DPYD: variants seen among roughly 807,000 people sequenced by gnomAD.
DPYD encodes dihydropyrimidine dehydrogenase.
A neutral mutation model predicts 116.2 loss-of-function variants in DPYD; 109 were observed. The ratio of observed to expected loss-of-function variants is 0.94; its 90% CI spans 0.80 to 1.10. The LOEUF is 1.10. DPYD is among the 50% of genes least tolerant of loss of function. The probability of loss-of-function intolerance (pLI) is 0.00; values close to 1 mark genes in which losing one functional copy is unlikely to be tolerated. For missense variants in DPYD, 1,302 were observed against 1,254.5 expected (o/e 1.04, Z -0.57); for synonymous variants, 440 against 432.0 (o/e 1.02, Z -0.23).
At chr1:97,812,723 AATC>A (rs1281332596) in intron 3 of DPYD, among the ~76,000 whole-genome samples, 1 of 152,092 alleles carries the variant, frequency 6.6e-6, no homozygotes, top group Non-Finnish European at 1.5e-5. Flanking sequence ...CAAGCAGAAA[AATC>A]ATAATCACAG....
chr1:97,543,071 T>C (rs1477357831), intron 12 of DPYD, among the ~76,000 whole-genome samples: 4 of 152,172 alleles, frequency 2.6e-5, no homozygotes, highest in Admixed American at 6.5e-5. Flanking sequence ...CCATACTTTC[T>C]TTCATAATCT....
rs191266272 is a variant in DPYD at position 97,533,084 on chromosome 1, T to G, written c.1524+16476A>C. On this transcript the variant is annotated intron_variant, in intron 12 of 22. Transcript: ENST00000370192. ...TTTTTATTAGTCTTTTGGTATTTTG[T>G]GTTTTTGTTTTAGTTTGTCCTGAGA... is the stretch of plus-strand genomic sequence containing the variant. 8.5e-3 allele frequency among the ~76,000 whole-genome samples: 1,300 copies of G among 152,152 alleles called. 8 individuals are homozygous for G. Among genetic ancestry groups the G allele is most frequent in the Non-Finnish European group, 0.012 (808 of 67,986 alleles).
At chr1:97,314,716 T>A (rs1002126552) in intron 16 of DPYD, among the ~76,000 whole-genome samples, 4 of 151,892 alleles carry the variant, frequency 2.6e-5, no homozygotes, top group African/African-American at 9.7e-5. Context: ...CCACAATTTG[T>A]CCCTATGGAA....
At chr1:97,080,983 T>C (rs2101553875) in intron 22 of DPYD, among the ~76,000 whole-genome samples, 1 of 152,196 alleles carries the variant, frequency 6.6e-6, no homozygotes, top group African/African-American at 2.4e-5. Flanking sequence ...TCCTGATTGA[T>C]CTCTGATTGG....
intron 19 of DPYD, among the ~76,000 whole-genome samples, chr1:97,229,207 A>G (rs1442594279): frequency 6.9e-6 from 1 of 144,876 alleles, no homozygotes; most frequent in Admixed American, 6.8e-5. Flanking sequence ...CCTTCTCAAA[A>G]AAAAAAAAAA....
chr1:97,131,587 G>C (rs535711323), intron 20 of DPYD, among the ~76,000 whole-genome samples: 1 of 152,132 alleles, frequency 6.6e-6, no homozygotes, highest in African/African-American at 2.4e-5. Flanking sequence ...CAAGAGCAGT[G>C]GAAGCTGAAG....
At chr1:97,279,545 C>T (rs1665169142) in intron 18 of DPYD, among the ~76,000 whole-genome samples, 1 of 152,156 alleles carries the variant, frequency 6.6e-6, no homozygotes, top group Non-Finnish European at 1.5e-5. Context: ...GAGTCTGGCT[C>T]TGTAACTCAG....
intron 8 of DPYD, among the ~76,000 whole-genome samples, chr1:97,615,090 T>C (rs1656183639): frequency 6.6e-6 from 1 of 152,148 alleles, no homozygotes; most frequent in African/African-American, 2.4e-5. Flanking sequence ...TTTGGAAACT[T>C]GCATAACACT....
intron 18 of DPYD, among the ~76,000 whole-genome samples, chr1:97,251,617 G>T (rs1031582774): frequency 6.6e-6 from 1 of 151,884 alleles, no homozygotes; most frequent in African/African-American, 2.4e-5. Context: ...TTTTAAAGAA[G>T]CCACATATAT....
Position 97,313,259 on chromosome 1 carries a change from T to C in DPYD, c.2059-6962A>G, listed in dbSNP as rs1170967734. ...ATTGACACTGACTTTCTTATTTCTA[T>C]GTACTTGGAGGAAAATTGAGAGTAC... On this transcript the variant is annotated intron_variant, in intron 16 of 22. Coordinates refer to ENST00000370192, the MANE Select transcript of DPYD (RefSeq NM_000110.4). 4.6e-5 allele frequency among the ~76,000 whole-genome samples: 7 copies of C among 152,032 alleles called. No individual in the cohort carries two copies. The Middle Eastern group carries it at 0.01, about 222-fold the overall frequency.
rs151212696 is a variant in DPYD at position 97,117,724 on chromosome 1, C to T, written c.2623-19092G>A. On this transcript the variant is annotated intron_variant, in intron 20 of 22. Transcript: ENST00000370192. ...GTCAGGATTTAGTATTAAAGTTGGT[C>T]AAGGTTCATAAATTTATTAGGGAGT... Among the ~76,000 whole-genome samples, 724 of 152,218 alleles carry T rather than the reference C, an allele frequency of 4.8e-3. 5 individuals carry two copies. The highest frequency in any genetic ancestry group is 0.016 in the African/African-American group (671 of 41,542).
chr1:97,144,731 C>T (rs1473875104), intron 20 of DPYD, among the ~76,000 whole-genome samples: 1 of 152,136 alleles, frequency 6.6e-6, no homozygotes, highest in East Asian at 1.9e-4. Flanking sequence ...ACATGCTGTG[C>T]TTTGTGCTTT....
chr1:97,182,788 A>T (rs1480172374), intron 20 of DPYD, among the ~76,000 whole-genome samples: 1 of 152,174 alleles, frequency 6.6e-6, no homozygotes, highest in African/African-American at 2.4e-5. Flanking sequence ...TCATAGATGG[A>T]CAGGAGTAAG....
chr1:97,390,930 ATAT>A (rs1672659397), intron 14 of DPYD, among the ~76,000 whole-genome samples: 1 of 151,818 alleles, frequency 6.6e-6, no homozygotes, highest in South Asian at 2.1e-4. Flanking sequence ...CAAATATATT[ATAT>A]ACTTTTCAGC....
intron 7 of DPYD, among the ~76,000 whole-genome samples, chr1:97,687,045 C>T (rs1041350292): frequency 7.2e-5 from 11 of 152,024 alleles, no homozygotes; most frequent in East Asian, 1.9e-4. Flanking sequence ...CTAAGGCAAG[C>T]GGGTCACTTG....
At chr1:97,748,376 C>A (rs1446605202) in intron 3 of DPYD, among the ~76,000 whole-genome samples, 1 of 152,032 alleles carries the variant, frequency 6.6e-6, no homozygotes, top group Non-Finnish European at 1.5e-5. Context: ...TGGGAGGCCA[C>A]GGCGGGCGGA....
chr1:97,507,728 T>C (rs1003095749), intron 13 of DPYD, among the ~76,000 whole-genome samples: 2 of 152,012 alleles, frequency 1.3e-5, no homozygotes, highest in Non-Finnish European at 2.9e-5. Flanking sequence ...TCTCATCTCG[T>C]TGATAGGTGC....
At chr1:97,641,647 T>G (rs1359068337) in intron 8 of DPYD, among the ~76,000 whole-genome samples, 2 of 152,150 alleles carry the variant, frequency 1.3e-5, no homozygotes, top group African/African-American at 4.8e-5. Flanking sequence ...AATATCACAC[T>G]GAATGGGCAA....
chr1:97,853,313 A>G (rs1202741456), intron 2 of DPYD, among the ~76,000 whole-genome samples: 1 of 152,230 alleles, frequency 6.6e-6, no homozygotes, highest in African/African-American at 2.4e-5. Flanking sequence ...CTATGCTGTT[A>G]GTTCAGTTAT....
Sources: allele counts gnomAD v4.1 joint callset (sites outside exome capture counted in the v4.1 genomes callset), GRCh38; gene constraint gnomAD v4.1.1; transcripts MANE v1.5; gene names NCBI Gene and HGNC (gene_info 2026-07-23, HGNC 2026-07-21).